RSPO3: variants seen among roughly 807,000 people sequenced by gnomAD.
RSPO3 encodes the protein R-spondin-3.
A neutral mutation model predicts 36.5 loss-of-function variants in RSPO3; 17 were observed. The observed-to-expected ratio is 0.47, with a 90% CI of 0.32 to 0.70. The LOEUF (loss-of-function observed/expected upper bound fraction) is 0.70. RSPO3 is among the 30% of genes least tolerant of loss of function. The probability of loss-of-function intolerance (pLI) is 0.04; values close to 1 mark genes in which losing one functional copy is unlikely to be tolerated. For synonymous variants in RSPO3, 108 were observed against 107.0 expected, an observed-to-expected ratio of 1.01 and a Z score of -0.06; for missense variants, 294 against 322.5, an observed-to-expected ratio of 0.91 and a Z score of 0.68.
At chr6:127,184,038 C>T (rs1775241007) in intron 4 of RSPO3, among the ~76,000 whole-genome samples, 1 of 151,924 alleles carries the variant, frequency 6.6e-6, no homozygotes, top group Non-Finnish European at 1.5e-5. Context: ...CTCATGAGAA[C>T]TCACTCACTA....
rs368498715 is a variant in RSPO3 at position 127,163,993 on chromosome 6, C to T, written c.634+8555C>T. Among the ~76,000 whole-genome samples, 25 of 152,146 alleles carry T rather than the reference C, an allele frequency of 1.6e-4. No individual in the cohort carries two copies. The South Asian group carries it at 3.3e-3, about 20-fold the overall frequency. On this transcript the variant is annotated intron_variant, in intron 4 of 4. Coordinates refer to ENST00000356698, the MANE Select transcript of RSPO3 (RefSeq NM_032784.5). Reference sequence around the variant, plus strand: ...ACTGCCTTCATTCCTCATTGTTTGTCGGCCTTATTCTCCTCTGCTGCAGAG... The same window carrying T: ...ACTGCCTTCATTCCTCATTGTTTGTTGGCCTTATTCTCCTCTGCTGCAGAG...
At chr6:127,180,565 G>A (rs1166361820) in intron 4 of RSPO3, among the ~76,000 whole-genome samples, 1 of 146,354 alleles carries the variant, frequency 6.8e-6, no homozygotes, top group Non-Finnish European at 1.5e-5. Context: ...GATGACAGAG[G>A]TTTGAACTGA....
chr6:127,120,231 G>A (rs189446323), intron 1 of RSPO3, among the ~76,000 whole-genome samples: 2 of 152,340 alleles, frequency 1.3e-5, no homozygotes, highest in Admixed American at 1.3e-4. Flanking sequence ...TTCCCAAGAT[G>A]AAGGGACAGA....
chr6:127,121,513 G>C (rs1344664934), intron 1 of RSPO3, among the ~76,000 whole-genome samples: 1 of 152,164 alleles, frequency 6.6e-6, no homozygotes, highest in Non-Finnish European at 1.5e-5. Context: ...CGATGCTCTT[G>C]CTCCTTCGCA....
chr6:127,165,329 A>G (rs1199475501), intron 4 of RSPO3, among the ~76,000 whole-genome samples: 3 of 152,086 alleles, frequency 2.0e-5, no homozygotes, highest in African/African-American at 7.2e-5. Flanking sequence ...TGTACATATG[A>G]TAGTAAAATA....
chr6:127,178,439 CAAATAA>C (rs1292100889), intron 4 of RSPO3, among the ~76,000 whole-genome samples: 1 of 151,522 alleles, frequency 6.6e-6, no homozygotes, highest in Non-Finnish European at 1.5e-5. Context: ...TGTAATCTGG[CAAATAA>C]AAATATTCTC....
At chr6:127,131,115 A>G (rs1774044365) in intron 1 of RSPO3, among the ~76,000 whole-genome samples, 1 of 152,114 alleles carries the variant, frequency 6.6e-6, no homozygotes, top group South Asian at 2.1e-4. Flanking sequence ...GATCAGTGGG[A>G]TTTCCTTGGA....
At chr6:127,192,141 T>G (rs570446030) in intron 4 of RSPO3, among the ~76,000 whole-genome samples, 20 of 152,326 alleles carry the variant, frequency 1.3e-4, no homozygotes, top group Non-Finnish European at 2.5e-4. Flanking sequence ...TGGAGTTCAA[T>G]GCTTTCCCAC....
chr6:127,150,649 A>G, intron 3 of RSPO3, 77 bp downstream of exon 3: 3 of 1,374,960 alleles, frequency 2.2e-6, no homozygotes, highest in Admixed American at 2.3e-5. Context: ...TCCTTTGCCA[A>G]AAGAACTTGA....
Position 127,198,131 on chromosome 6 carries a change from C to T in RSPO3, c.*2124C>T, listed in dbSNP as rs185350005. On this transcript the variant is annotated 3_prime_UTR_variant, in exon 5 of 5. Coordinates refer to ENST00000356698, the MANE Select transcript of RSPO3 (RefSeq NM_032784.5). ...GGAAAAAGGGTTAAGTAAACCAGGA[C>T]ATGACAATGGTGGCAAATGACTATC... 6.6e-5 allele frequency among the ~76,000 whole-genome samples: 10 copies of T among 152,356 alleles called. No homozygotes were observed. The highest frequency in any genetic ancestry group is 2.4e-4 in the African/African-American group (10 of 41,590).
chr6:127,177,021 A>G (rs1325935191), intron 4 of RSPO3, among the ~76,000 whole-genome samples: 1 of 151,806 alleles, frequency 6.6e-6, no homozygotes, highest in Non-Finnish European at 1.5e-5. Context: ...GACTTCCTCC[A>G]ACTAGGGTGA....
intron 1 of RSPO3, among the ~76,000 whole-genome samples, chr6:127,145,279 C>T (rs1774360993): frequency 6.6e-6 from 1 of 152,038 alleles, no homozygotes; most frequent in African/African-American, 2.4e-5. Context: ...ACATGCATCC[C>T]TTCCTCACTA....
chr6:127,118,943 A>C lies in RSPO3; in HGVS notation c.-250A>C, dbSNP rs929239504. 6.6e-6 allele frequency: 2 copies of C among 304,414 alleles called. No individual in the cohort carries two copies. The highest frequency in any genetic ancestry group is 1.0e-4 in the Admixed American group (2 of 19,600). The allele number at this position is 304,414 out of a possible 1,614,324, so 18.9% of individuals were successfully genotyped here. ...GCTCCTGGAACCCCGGTTCGCGGCG[A>C]TGCCAGCCACCCCAGCGAAGCCGCC... On this transcript the variant is annotated 5_prime_UTR_variant, in exon 1 of 5. An upstream start codon of the reference 5' UTR is lost. Coordinates refer to ENST00000356698, the MANE Select transcript of RSPO3 (RefSeq NM_032784.5).
intron 1 of RSPO3, among the ~76,000 whole-genome samples, chr6:127,127,391 T>C (rs1773959032): frequency 6.6e-6 from 1 of 152,156 alleles, no homozygotes; most frequent in South Asian, 2.1e-4. Flanking sequence ...CCAAAGTATG[T>C]GTAAGTGCTA....
intron 1 of RSPO3, among the ~76,000 whole-genome samples, chr6:127,125,104 A>G (rs117732968): frequency 0.014 from 2,206 of 152,266 alleles, 81 homozygotes; most frequent in Admixed American, 0.083. Flanking sequence ...CAAGGGACCT[A>G]GGTGCTATCT....
At chr6:127,171,948 G>A (rs1166190007) in intron 4 of RSPO3, among the ~76,000 whole-genome samples, 1 of 151,294 alleles carries the variant, frequency 6.6e-6, no homozygotes, top group Non-Finnish European at 1.5e-5. Flanking sequence ...AAATGTGTGT[G>A]TAGTATTAAA....
intron 4 of RSPO3, among the ~76,000 whole-genome samples, chr6:127,184,731 A>T (rs561902628): frequency 6.6e-6 from 1 of 152,126 alleles, no homozygotes; most frequent in Admixed American, 6.6e-5. Flanking sequence ...CATATAAGTT[A>T]CAGAAATCAC....
Position 127,191,666 on chromosome 6 carries a change from C to A in RSPO3, c.635-4157C>A, listed in dbSNP as rs182412114. On this transcript the variant is annotated intron_variant, in intron 4 of 4. Transcript: ENST00000356698. Reference sequence around the variant, plus strand: ...TTTCAAAAATTAAGGCTCAAAAATACCAACCACTGACTACATTCCCTCTAC... The same window carrying A: ...TTTCAAAAATTAAGGCTCAAAAATAACAACCACTGACTACATTCCCTCTAC... Among the ~76,000 whole-genome samples the A allele has an allele frequency of 6.1e-3, 925 of 152,186 alleles. 5 individuals are homozygous for A. Among genetic ancestry groups the A allele is most frequent in the Non-Finnish European group, 8.3e-3 (567 of 68,012 alleles).
At chr6:127,142,367 T>C (rs538605283) in intron 1 of RSPO3, among the ~76,000 whole-genome samples, 10 of 152,206 alleles carry the variant, frequency 6.6e-5, no homozygotes, top group Non-Finnish European at 1.3e-4. Context: ...GGCAGAATTT[T>C]AGAGAGACAG....
Sources: gnomAD v4.1 joint callset for allele counts (sites outside exome capture counted in the v4.1 genomes callset) on GRCh38, gnomAD v4.1.1 for gene constraint, MANE v1.5 for transcripts, NCBI Gene and HGNC (gene_info 2026-07-23, HGNC 2026-07-21) for gene names.